The following CALN1 variants were observed in gnomAD, a reference collection of about 807,000 sequenced individuals.
CALN1 encodes calcium-binding protein 8.
CALN1 carries 17 observed loss-of-function variants against 30.6 expected under a neutral mutation model. The ratio of observed to expected loss-of-function variants is 0.56; its 90% CI spans 0.38 to 0.83. The LOEUF (loss-of-function observed/expected upper bound fraction) is 0.83. CALN1 is among the 40% of genes least tolerant of loss of function. CALN1 has a pLI of 0.00. For missense variants in CALN1, 291 were observed against 354.9 expected (o/e 0.82, Z 1.45); for synonymous variants, 156 against 131.4 (o/e 1.19, Z -1.28).
intron 5 of CALN1, among the ~76,000 whole-genome samples, chr7:71,981,855 T>C (rs564006286): frequency 1.3e-5 from 2 of 152,118 alleles, no homozygotes; most frequent in Non-Finnish European, 1.5e-5. Context: ...GCGCATCTGG[T>C]CACAGAAGTC....
At chr7:72,030,201 GTCT>G (rs560819310) in intron 4 of CALN1, among the ~76,000 whole-genome samples, 18 of 152,000 alleles carry the variant, frequency 1.2e-4, no homozygotes, top group African/African-American at 4.3e-4. Flanking sequence ...TGGGAAAACA[GTCT>G]TCTTTTCTCA....
chr7:72,171,739 G>A (rs1788982209), intron 3 of CALN1, among the ~76,000 whole-genome samples: 1 of 151,950 alleles, frequency 6.6e-6, no homozygotes, highest in Non-Finnish European at 1.5e-5. Context: ...TAATACTGTG[G>A]GATCCTCATT....
chr7:72,050,073 C>T (rs1229727792), intron 4 of CALN1, among the ~76,000 whole-genome samples: 1 of 151,832 alleles, frequency 6.6e-6, no homozygotes, highest in Non-Finnish European at 1.5e-5. Flanking sequence ...CCTGCCTCGG[C>T]CTCCCAAAGT....
rs369610526 is a variant in CALN1 at position 72,208,913 on chromosome 7, G to A, written c.244+69773C>T. Among the ~76,000 whole-genome samples, 3 of 152,014 alleles carry A rather than the reference G, an allele frequency of 2.0e-5. No individual in the cohort carries two copies. In the East Asian group the frequency reaches 5.8e-4, roughly 29 times the overall value. Reference sequence around the variant, plus strand: ...AAGGCATCACACATCACCATTTCCAGGACTCAGAAATTCCAGTCATGTTCT... The same window carrying A: ...AAGGCATCACACATCACCATTTCCAAGACTCAGAAATTCCAGTCATGTTCT... On this transcript the variant is annotated intron_variant, in intron 3 of 6. Coordinates refer to ENST00000395275, the MANE Select transcript of CALN1 (RefSeq NM_031468.4).
chr7:71,923,791 CCA>C (rs1795108058), intron 5 of CALN1, among the ~76,000 whole-genome samples: 1 of 100,872 alleles, frequency 9.9e-6, no homozygotes, highest in Non-Finnish European at 1.9e-5. Context: ...CCACAATAGA[CCA>C]CAGTGTTCCC....
chr7:71,833,813 T>C (rs1252576580), intron 5 of CALN1, among the ~76,000 whole-genome samples: 1 of 152,140 alleles, frequency 6.6e-6, no homozygotes, highest in East Asian at 1.9e-4. Context: ...CTTGGGAAGC[T>C]GAGGTGGGAG....
chr7:72,423,210 C>T (rs1045284219), intron 1 of CALN1, among the ~76,000 whole-genome samples: 14 of 151,872 alleles, frequency 9.2e-5, no homozygotes, highest in Admixed American at 5.9e-4. Flanking sequence ...TTATTCAGAA[C>T]TTGTACTATT....
chr7:72,442,629 G>A (rs1029941822), intron 1 of CALN1, among the ~76,000 whole-genome samples: 1 of 151,804 alleles, frequency 6.6e-6, no homozygotes, highest in African/African-American at 2.4e-5. Context: ...TTTATTCAAG[G>A]TTGCAATTGT....
At chr7:72,442,586 T>C (rs1469654565) in intron 1 of CALN1, among the ~76,000 whole-genome samples, 1 of 152,150 alleles carries the variant, frequency 6.6e-6, no homozygotes, top group Non-Finnish European at 1.5e-5. Flanking sequence ...AGGATTGGAC[T>C]TTATTAAGGG....
At chr7:72,112,923 C>T (rs536595596) in intron 3 of CALN1, among the ~76,000 whole-genome samples, 52 of 152,190 alleles carry the variant, frequency 3.4e-4, no homozygotes, top group African/African-American at 1.1e-3. Flanking sequence ...GTTGGGGTTA[C>T]GCTTGAATCT....
intron 3 of CALN1, among the ~76,000 whole-genome samples, chr7:72,125,644 G>T (rs1808698109): frequency 1.3e-5 from 2 of 151,950 alleles, no homozygotes; most frequent in African/African-American, 4.8e-5. Flanking sequence ...GGAACAGGTG[G>T]GTTTTGTTAC....
intron 5 of CALN1, among the ~76,000 whole-genome samples, chr7:71,830,701 C>T (rs1332838617): frequency 2.0e-5 from 3 of 152,168 alleles, no homozygotes; most frequent in Non-Finnish European, 4.4e-5. Flanking sequence ...GAACTTGGTT[C>T]TTACTCAGAT....
At chr7:72,425,344 C>A (rs937261477) in intron 1 of CALN1, among the ~76,000 whole-genome samples, 1 of 152,154 alleles carries the variant, frequency 6.6e-6, no homozygotes, top group Non-Finnish European at 1.5e-5. Flanking sequence ...AAACTCCTGA[C>A]CTCAAGTGAT....
chr7:71,923,616 TTTA>T (rs899079501), intron 5 of CALN1, among the ~76,000 whole-genome samples: 1 of 152,064 alleles, frequency 6.6e-6, no homozygotes, highest in African/African-American at 2.4e-5. Flanking sequence ...AAAGAGCTAG[TTTA>T]TTGTTTTTCC....
chr7:72,288,669 C>T (rs1798266254), intron 2 of CALN1, among the ~76,000 whole-genome samples: 1 of 151,992 alleles, frequency 6.6e-6, no homozygotes, highest in South Asian at 2.1e-4. Context: ...ATTGGATTTC[C>T]TTCACTGCTA....
chr7:72,258,756 A>G (rs1796089285), intron 3 of CALN1, among the ~76,000 whole-genome samples: 1 of 151,856 alleles, frequency 6.6e-6, no homozygotes. Context: ...TGTCTCTACT[A>G]AAAATACAAA....
chr7:72,345,800 A>G lies in CALN1; in HGVS notation c.119+57451T>C, dbSNP rs576783667. Reference sequence around the variant, plus strand: ...AAATTATCTCAATAATTGATTAGCCAAAAATGATCTTTACGTACCCTAAAC... The same window carrying G: ...AAATTATCTCAATAATTGATTAGCCGAAAATGATCTTTACGTACCCTAAAC... On this transcript the variant is annotated intron_variant, in intron 2 of 6. Coordinates refer to ENST00000395275, the MANE Select transcript of CALN1 (RefSeq NM_031468.4). Among the ~76,000 whole-genome samples the G allele has an allele frequency of 8.5e-5, 13 of 152,356 alleles. No homozygotes were observed. In the South Asian group the frequency reaches 1.4e-3, roughly 17 times the overall value.
At chr7:72,440,852 A>G (rs1250649635) in intron 1 of CALN1, among the ~76,000 whole-genome samples, 1 of 152,154 alleles carries the variant, frequency 6.6e-6, no homozygotes, top group Non-Finnish European at 1.5e-5. Context: ...TAATAATACC[A>G]TAGAATCTTA....
At chr7:72,212,362 A>G (rs955226666) in intron 3 of CALN1, among the ~76,000 whole-genome samples, 1 of 151,566 alleles carries the variant, frequency 6.6e-6, no homozygotes, top group African/African-American at 2.4e-5. Flanking sequence ...AAAAAAAAAA[A>G]AAAAATACCA....
Sources: allele counts gnomAD v4.1 joint callset (sites outside exome capture counted in the v4.1 genomes callset), GRCh38; gene constraint gnomAD v4.1.1; transcripts MANE v1.5; gene names NCBI Gene and HGNC (gene_info 2026-07-23, HGNC 2026-07-21).